The following KCNIP1 variants were observed in gnomAD, a reference collection of about 807,000 sequenced individuals.
KCNIP1 encodes the protein A-type potassium channel modulatory protein KCNIP1.
In KCNIP1, 18 loss-of-function variants were observed where a neutral mutation model predicts 33.0. The observed-to-expected ratio is 0.55, with a 90% CI of 0.38 to 0.81. KCNIP1 has a LOEUF of 0.81. Ranked by LOEUF, KCNIP1 falls within the 30% of genes least tolerant of loss-of-function variation. The pLI, the probability that KCNIP1 is intolerant of heterozygous loss-of-function variation, is 0.00. For synonymous variants in KCNIP1, 93 were observed against 98.3 expected (o/e 0.95, Z 0.32); for missense variants, 238 against 271.6 (o/e 0.88, Z 0.87).
intron 5 of KCNIP1, among the ~76,000 whole-genome samples, chr5:170,728,439 C>T (rs1380650583): frequency 6.6e-6 from 1 of 152,104 alleles, no homozygotes; most frequent in African/African-American, 2.4e-5. Context: ...AAAAAGACAG[C>T]AAGAAAATCA....
At chr5:170,501,361 G>A (rs1388995434), upstream of KCNIP1, among the ~76,000 whole-genome samples, 1 of 152,180 alleles carries the variant, frequency 6.6e-6, no homozygotes, top group Non-Finnish European at 1.5e-5. Context: ...AAATAGTGAG[G>A]GGTCTGGGTG....
chr5:170,521,844 GT>G (rs1755374867), intron 1 of KCNIP1, among the ~76,000 whole-genome samples: 1 of 152,190 alleles, frequency 6.6e-6, no homozygotes, highest in African/African-American at 2.4e-5. Context: ...ACATAGAATT[GT>G]TTTTATCATT....
intron 1 of KCNIP1, among the ~76,000 whole-genome samples, chr5:170,405,006 T>C (rs893318362): frequency 4.6e-5 from 7 of 152,352 alleles, no homozygotes; most frequent in African/African-American, 1.7e-4. Context: ...TGGAACATCT[T>C]GATGCAGACA....
Position 170,598,898 on chromosome 5 carries a change from TGTGC to T in KCNIP1, c.61+94267_61+94270del, listed in dbSNP as rs753829569. ...CGTTCCCATAGCCCCGCTGTGTGTG[TGTGC>T]GCGTGTGTGTGTGTGTGTGTGTGTG... is the stretch of plus-strand genomic sequence containing the variant. On this transcript the variant is annotated intron_variant, in intron 1 of 7. Coordinates refer to ENST00000328939, the MANE Select transcript of KCNIP1 (RefSeq NM_014592.4). 3.8e-3 allele frequency among the ~76,000 whole-genome samples: 434 copies of T among 114,216 alleles called. 4 individuals are homozygous for T. The highest frequency in any genetic ancestry group is 8.9e-3 in the Middle Eastern group (2 of 224). 74.9% of individuals were successfully genotyped at this position (114,216 alleles called of 152,430 possible).
At chr5:170,560,641 T>G (rs1484010671) in intron 1 of KCNIP1, among the ~76,000 whole-genome samples, 3 of 152,150 alleles carry the variant, frequency 2.0e-5, no homozygotes, top group Admixed American at 6.5e-5. Flanking sequence ...TTTCCAGACC[T>G]ATCTAGAAAG....
At chr5:170,358,631 G>A (rs1763412702) in intron 1 of KCNIP1, among the ~76,000 whole-genome samples, 1 of 152,216 alleles carries the variant, frequency 6.6e-6, no homozygotes, top group Non-Finnish European at 1.5e-5. Context: ...TTAATGTAAT[G>A]ATGATATGAG....
intron 1 of KCNIP1, among the ~76,000 whole-genome samples, chr5:170,648,396 C>T (rs10060465): frequency 0.098 from 14,948 of 151,954 alleles, 817 homozygotes; most frequent in African/African-American, 0.11. Context: ...CTTCAGTGAG[C>T]GAATGGTTAA....
intron 1 of KCNIP1, among the ~76,000 whole-genome samples, chr5:170,568,906 G>A (rs1456397530): frequency 6.6e-6 from 1 of 152,058 alleles, no homozygotes. Flanking sequence ...CGGCTACCCA[G>A]GCTTGTGTTT....
chr5:170,702,034 C>T (rs983169167), intron 1 of KCNIP1, among the ~76,000 whole-genome samples: 1 of 152,110 alleles, frequency 6.6e-6, no homozygotes, highest in Admixed American at 6.5e-5. Context: ...CAAACACCAG[C>T]GGTTCCCCTA....
chr5:170,530,767 T>C (rs1055768400), intron 1 of KCNIP1, among the ~76,000 whole-genome samples: 5 of 152,134 alleles, frequency 3.3e-5, no homozygotes, highest in African/African-American at 1.2e-4. Context: ...CACCTGAGGA[T>C]GTGGATGAAG....
chr5:170,393,499 T>C (rs10042648), intron 1 of KCNIP1, among the ~76,000 whole-genome samples: 14,722 of 152,150 alleles, frequency 0.097, 1,742 homozygotes, highest in African/African-American at 0.28. Context: ...TGTGCCGAGG[T>C]GACTCAGACA....
At chr5:170,486,652 C>A (rs1034878963) in intron 1 of KCNIP1, among the ~76,000 whole-genome samples, 2 of 152,210 alleles carry the variant, frequency 1.3e-5, no homozygotes, top group African/African-American at 4.8e-5. Context: ...GTGTGAGCCC[C>A]ATACCCTTCT....
intron 1 of KCNIP1, among the ~76,000 whole-genome samples, chr5:170,633,721 CGGAGGGGGGGACGGAGGGGGGGGCG>C (rs1760161720): frequency 1.5e-4 from 1 of 6,508 alleles, no homozygotes; most frequent in Admixed American, 1.6e-3. Flanking sequence ...GGCGGGGGGG[CGGAGGGGGGGACGGAGGGGGGGGCG>C]GGGGGCGGGG....
At chr5:170,717,307 G>A (rs911659431) in intron 1 of KCNIP1, among the ~76,000 whole-genome samples, 21 of 152,082 alleles carry the variant, frequency 1.4e-4, no homozygotes, top group South Asian at 6.2e-4. Context: ...ATGCTTCAGC[G>A]TTTAGATAAT....
At chr5:170,501,827 G>T (rs1193583463), upstream of KCNIP1, among the ~76,000 whole-genome samples, 2 of 152,166 alleles carry the variant, frequency 1.3e-5, no homozygotes, top group East Asian at 3.9e-4. Context: ...TATCCCACTG[G>T]GTCCTCTAGT....
At chr5:170,673,266 A>T (rs1161056841) in intron 1 of KCNIP1, among the ~76,000 whole-genome samples, 1 of 152,238 alleles carries the variant, frequency 6.6e-6, no homozygotes, top group Non-Finnish European at 1.5e-5. Context: ...CAAACTTTGG[A>T]GTCAGACAGA....
At chr5:170,628,971 C>T (rs1242000972) in intron 1 of KCNIP1, among the ~76,000 whole-genome samples, 1 of 152,244 alleles carries the variant, frequency 6.6e-6, no homozygotes, top group Non-Finnish European at 1.5e-5. Flanking sequence ...CACAAGCCCA[C>T]CCTGTGCCTC....
intron 1 of KCNIP1, among the ~76,000 whole-genome samples, chr5:170,513,486 G>A (rs1192966533): frequency 6.6e-6 from 1 of 152,140 alleles, no homozygotes; most frequent in Non-Finnish European, 1.5e-5. Context: ...TTAAGTTTTA[G>A]TTTACTCATT....
chr5:170,449,913 C>T (rs1756206295), intron 1 of KCNIP1, among the ~76,000 whole-genome samples: 1 of 152,066 alleles, frequency 6.6e-6, no homozygotes, highest in East Asian at 1.9e-4. Context: ...TATAGAAAGA[C>T]TCAAACCTTC....
Sources: allele counts gnomAD v4.1 joint callset (sites outside exome capture counted in the v4.1 genomes callset), GRCh38; gene constraint gnomAD v4.1.1; transcripts MANE v1.5; gene names NCBI Gene and HGNC (gene_info 2026-07-23, HGNC 2026-07-21).